The following SYNE2 variants were observed in gnomAD, a reference collection of about 807,000 sequenced individuals.
The protein encoded by SYNE2 is spectrin repeat containing nuclear envelope protein 2.
A neutral mutation model predicts 856.3 loss-of-function variants in SYNE2; 431 were observed. The observed-to-expected ratio is 0.50, with a 90% CI of 0.47 to 0.55. The LOEUF (loss-of-function observed/expected upper bound fraction) is 0.55. SYNE2 is among the 20% of genes least tolerant of loss of function. The pLI, the probability that SYNE2 is intolerant of heterozygous loss-of-function variation, is 0.00. For synonymous variants in SYNE2, 2,923 were observed against 2,872.3 expected (o/e 1.02, Z -0.56); for missense variants, 8,129 against 8,023.2 (o/e 1.01, Z -0.50).
chr14:63,952,700 GA>G (rs2096181887), intron 7 of SYNE2, among the ~76,000 whole-genome samples: 1 of 152,194 alleles, frequency 6.6e-6, no homozygotes, highest in Non-Finnish European at 1.5e-5. Context: ...GGATGAAGTA[GA>G]TACCACAAAC....
At chr14:63,931,515 A>C (rs1243622401) in intron 2 of SYNE2, among the ~76,000 whole-genome samples, 45 of 148,160 alleles carry the variant, frequency 3.0e-4, no homozygotes, top group African/African-American at 1.0e-3. Context: ...ATACCATTAC[A>C]CTCCAGCCTG....
At chr14:64,183,336 G>T (rs1045816140) in intron 96 of SYNE2, among the ~76,000 whole-genome samples, 3 of 150,440 alleles carry the variant, frequency 2.0e-5, no homozygotes, top group African/African-American at 7.3e-5. Flanking sequence ...GGGCAGAGGC[G>T]CTCCCCACAT....
At chr14:63,796,646 G>A (rs12589129) in intron 1 of SYNE2, among the ~76,000 whole-genome samples, 96,145 of 151,828 alleles carry the variant, frequency 0.63, 30,904 homozygotes, top group South Asian at 0.77. Flanking sequence ...ATAAGGAAGA[G>A]TACCTTGCCT....
intron 85 of SYNE2, among the ~76,000 whole-genome samples, chr14:64,156,314 A>G (rs891210506): frequency 6.6e-6 from 1 of 152,210 alleles, no homozygotes; most frequent in African/African-American, 2.4e-5. Flanking sequence ...TTGTGTTGAC[A>G]TGTATATATG....
intron 1 of SYNE2, among the ~76,000 whole-genome samples, chr14:63,802,725 G>C (rs959300644): frequency 1.3e-5 from 2 of 152,090 alleles, no homozygotes; most frequent in African/African-American, 4.8e-5. Flanking sequence ...CCCTTCTGAT[G>C]TTCAGATGTG....
Position 64,053,357 on chromosome 14 carries a change from A to G in SYNE2, c.9444A>G (p.Glu3148=). The part of the protein sequence containing the change: ...QNMVLELSPK[E]LDEKNCQDKL... Reference sequence around the variant, plus strand: ...TGGTATTAGAACTCTCACCAAAAGAATTGGATGAAAAGAATTGTCAGGACA... The same window carrying G: ...TGGTATTAGAACTCTCACCAAAAGAGTTGGATGAAAAGAATTGTCAGGACA... Residue 3148 remains glutamate (E), a synonymous_variant, in exon 48 of 116, where the codon GAA becomes GAG. Coordinates refer to ENST00000555002, the MANE Select transcript of SYNE2 (RefSeq NM_182914.3). 6.2e-7 allele frequency: 1 copy of G among 1,613,584 alleles called. No individual in the cohort carries two copies. The highest frequency in any genetic ancestry group is 8.5e-7 in the Non-Finnish European group (1 of 1,179,932).
chr14:64,162,543 G>C, intron 88 of SYNE2: 1 of 490,002 alleles, frequency 2.0e-6, no homozygotes, highest in Non-Finnish European at 3.7e-6. Context: ...CATCTCTAAG[G>C]CAAAAGCTTC....
intron 60 of SYNE2, among the ~76,000 whole-genome samples, chr14:64,092,105 G>A (rs550678823): frequency 1.3e-5 from 2 of 152,018 alleles, no homozygotes; most frequent in Non-Finnish European, 2.9e-5. Context: ...ATAATATAAA[G>A]AGAAAAAAAT....
chr14:64,139,674 A>G (rs546481039), intron 79 of SYNE2, among the ~76,000 whole-genome samples: 1 of 152,132 alleles, frequency 6.6e-6, no homozygotes, highest in Admixed American at 6.5e-5. Flanking sequence ...CGGCCTCCCA[A>G]AGTGCTGGGA....
chr14:64,173,044 T>C (rs987587543), intron 94 of SYNE2, among the ~76,000 whole-genome samples: 10 of 152,208 alleles, frequency 6.6e-5, no homozygotes, highest in African/African-American at 2.2e-4. Flanking sequence ...TGCAATAAGA[T>C]AATGAGGTAA....
rs2098661036 is a variant in SYNE2, at chr14:64,215,348, T to C, written c.19396T>C (p.Ser6466Pro). 3 of 1,614,010 alleles carry C rather than the reference T, an allele frequency of 1.9e-6. No homozygotes were observed. The highest frequency in any genetic ancestry group is 2.5e-6 in the Non-Finnish European group (3 of 1,179,996). Residue 6466 changes from serine to proline, a missense_variant, in exon 107 of 116, where the codon TCT becomes CCT. This residue lies in a region of SYNE2 where 5,410 missense variants were observed against 5,284.8 expected (regional missense o/e 1.02). Coordinates refer to ENST00000555002, the MANE Select transcript of SYNE2 (RefSeq NM_182914.3). ...LKMTTKTLKA[S>P]SGKSISDGHS... is the part of the protein sequence containing the mutation. ...AATGACCACAAAAACTTTGAAAGCG[T>C]CTTCTGGTAGGCCCCCGCCCATGCA...
chr14:64,162,966 C>T (rs2098340395), intron 88 of SYNE2: 3 of 185,932 alleles, frequency 1.6e-5, no homozygotes. Flanking sequence ...TCCAGAATAG[C>T]CTTAAAATCA....
At chr14:64,105,593 A>T (rs916440180) in intron 64 of SYNE2, among the ~76,000 whole-genome samples, 3 of 152,232 alleles carry the variant, frequency 2.0e-5, no homozygotes, top group Non-Finnish European at 2.9e-5. Flanking sequence ...AAGTAGAGCA[A>T]TCAAGGTTGG....
At chr14:64,169,386 T>C (rs539365406) in intron 93 of SYNE2, among the ~76,000 whole-genome samples, 1 of 152,342 alleles carries the variant, frequency 6.6e-6, no homozygotes, top group South Asian at 2.1e-4. Flanking sequence ...ATCCTATAAG[T>C]CTGAAAGAAG....
At chr14:64,029,596 T>C (rs1258602837) in intron 43 of SYNE2, among the ~76,000 whole-genome samples, 4 of 152,188 alleles carry the variant, frequency 2.6e-5, no homozygotes, top group African/African-American at 9.7e-5. Flanking sequence ...ATGATACAAT[T>C]TGTAGCTATT....
In SYNE2 at chr14:63,961,598, T is replaced by G; in HGVS notation, c.861T>G (p.Asp287Glu). 1 of 1,614,072 alleles carries G rather than the reference T, an allele frequency of 6.2e-7. No homozygotes were observed. Reference sequence around the variant, plus strand: ...CACAGTTTCTGCAGTATTCCAAAGATGCCCCTGGGACTGGAGAGGAGGCTC... The same window carrying G: ...CACAGTTTCTGCAGTATTCCAAAGAGGCCCCTGGGACTGGAGAGGAGGCTC... ...YVAQFLQYSK[D>E]APGTGEEAQG... is the part of the protein sequence containing the mutation. The change falls in exon 9 of 116, where the codon GAT becomes GAG. Residue 287 changes from aspartate to glutamate, a missense_variant. Physicochemically the swap from Asp to Glu is conservative, Grantham distance 45. Coordinates refer to ENST00000555002, the MANE Select transcript of SYNE2 (RefSeq NM_182914.3).
intron 1 of SYNE2, among the ~76,000 whole-genome samples, chr14:63,870,438 C>T (rs868180726): frequency 1.3e-3 from 173 of 134,520 alleles, no homozygotes; most frequent in Middle Eastern, 3.5e-3. Flanking sequence ...GCCATCTCCC[C>T]CAGTTCCTGA....
At chr14:63,827,285 A>C (rs1889466349) in intron 1 of SYNE2, among the ~76,000 whole-genome samples, 1 of 150,766 alleles carries the variant, frequency 6.6e-6, no homozygotes, top group Non-Finnish European at 1.5e-5. Context: ...CTCAAAAAAA[A>C]AAAAAAATTA....
intron 1 of SYNE2, among the ~76,000 whole-genome samples, chr14:63,842,888 C>A (rs1384850787): frequency 3.3e-5 from 5 of 152,136 alleles, no homozygotes; most frequent in Non-Finnish European, 7.4e-5. Context: ...AGGTTTTTCT[C>A]ATATAAGTCT....
Sources: gnomAD v4.1 joint callset for allele counts (sites outside exome capture counted in the v4.1 genomes callset) on GRCh38, gnomAD v4.1.1 for gene constraint, gnomAD v4.1.1 regional missense constraint, MANE v1.5 for transcripts, NCBI Gene and HGNC (gene_info 2026-07-23, HGNC 2026-07-21) for gene names.